POPDC3: variants seen among roughly 807,000 people sequenced by gnomAD.
The protein encoded by POPDC3 is popeye domain cAMP effector 3.
Under a neutral mutation model 28.2 loss-of-function variants are expected in POPDC3, and 20 were observed. That is an observed-to-expected ratio of 0.71 (90% CI 0.50 to 1.03). The LOEUF (loss-of-function observed/expected upper bound fraction) is 1.03, where lower values mean the gene tolerates loss of function less well. POPDC3 is among the 50% of genes least tolerant of loss of function. The probability of loss-of-function intolerance (pLI) is 0.00; values close to 1 mark genes in which losing one functional copy is unlikely to be tolerated. For synonymous variants in POPDC3, 118 were observed against 124.1 expected, an observed-to-expected ratio of 0.95 and a Z score of 0.33; for missense variants, 316 against 345.9, an observed-to-expected ratio of 0.91 and a Z score of 0.69.
chr6:105,161,584 T>A lies in POPDC3; in HGVS notation c.326A>T (p.Gln109Leu). The part of the protein sequence containing the change: ...VRSITFAREF[Q>L]VLYSSLFQPL... ...CTGGAAAAGGGAGCTGTACAACACT[T>A]GGAATTCTCGGGCAAAGGTTATGCT... is the stretch of plus-strand genomic sequence containing the variant. Residue 109 changes from glutamine to leucine, a missense_variant, in exon 2 of 4, where the codon CAA (glutamine) becomes CTA (leucine). Gln to Leu is a moderately radical substitution (Grantham distance 113, BLOSUM62 -2). Coordinates refer to ENST00000254765, the MANE Select transcript of POPDC3 (RefSeq NM_022361.5). The A allele has an allele frequency of 6.2e-7, 1 of 1,614,092 alleles. No individual in the cohort carries two copies. Among genetic ancestry groups the A allele is most frequent in the Non-Finnish European group, 8.5e-7 (1 of 1,180,028 alleles).
intron 2 of POPDC3, among the ~76,000 whole-genome samples, chr6:105,160,439 C>T (rs1774297305): frequency 1.6e-5 from 1 of 61,630 alleles, no homozygotes. Context: ...GTCTCGAACT[C>T]CTGACCTCAA....
At chr6:105,161,160 T>C (rs1274097068) in intron 2 of POPDC3, among the ~76,000 whole-genome samples, 2 of 152,198 alleles carry the variant, frequency 1.3e-5, no homozygotes, top group Non-Finnish European at 2.9e-5. Flanking sequence ...GAAACAAATA[T>C]CATATCACAT....
intron 1 of POPDC3, 45 bp from the exon 2 acceptor site, chr6:105,162,205 G>A: frequency 1.8e-6 from 2 of 1,082,468 alleles, no homozygotes; most frequent in Non-Finnish European, 2.3e-6. Context: ...AAACAAAAAG[G>A]AGAATTGTGG....
At position 105,161,637 on chromosome 6, in the gene POPDC3, T is replaced by C. The variant is rs778419341; in HGVS notation, c.273A>G (p.Gln91=). Residue 91 remains glutamine, a synonymous_variant, in exon 2 of 4, where the codon CAA becomes CAG. Coordinates refer to ENST00000254765, the MANE Select transcript of POPDC3 (RefSeq NM_022361.5). ...GAACTTGATATGCAATATGAACAAA[T>C]TGCATGAAGCAGATGACAAACAGTA... ...NFVLFVICFM[Q]FVHIAYQVRS... 6.2e-6 allele frequency: 10 copies of C among 1,613,942 alleles called. No homozygotes were observed. In the East Asian group the frequency reaches 1.3e-4, roughly 22 times the overall value.
rs1172298206 is a variant in POPDC3, at chr6:105,179,889, C to T, written c.-308G>A. Reference sequence around the variant, plus strand: ...CCCGGCGCCCGCAGAAGTTTCCCGGCGGAGCGCGCTTGACCCGGGTGGCCC... The same window carrying T: ...CCCGGCGCCCGCAGAAGTTTCCCGGTGGAGCGCGCTTGACCCGGGTGGCCC... On this transcript the variant is annotated 5_prime_UTR_variant, in exon 1 of 4. Transcript: ENST00000254765. 4 of 151,876 alleles carry T rather than the reference C, an allele frequency of 2.6e-5. No individual in the cohort carries two copies. Among genetic ancestry groups the T allele is most frequent in the African/African-American group, 9.7e-5 (4 of 41,396 alleles). 9.4% of individuals were successfully genotyped at this position (151,876 alleles called of 1,614,324 possible).
chr6:105,171,294 A>G lies in POPDC3; in HGVS notation c.-252+8539T>C, dbSNP rs138367547. 4.8e-3 allele frequency among the ~76,000 whole-genome samples: 735 copies of G among 152,342 alleles called. 2 individuals carry two copies. The highest frequency in any genetic ancestry group is 7.4e-3 in the Non-Finnish European group (502 of 68,032). ...ACGTCAATTTTTTGGAATAATGCTT[A>G]CTTTCAAAACATGCATTATAACATA... is the stretch of plus-strand genomic sequence containing the variant. On this transcript the variant is annotated intron_variant, in intron 1 of 3. Coordinates refer to ENST00000254765, the MANE Select transcript of POPDC3 (RefSeq NM_022361.5).
At position 105,158,608 on chromosome 6, in the gene POPDC3, C is replaced by G; in HGVS notation, c.738G>C (p.Leu246Phe). ...TTTTTCCTATATATACCCTGTCATT[C>G]AAGGCATAGAGTTTATCTGCAATGT... is the stretch of plus-strand genomic sequence containing the variant. ...GSDIADKLYA[L>F]NDRVYIGKRY... Residue 246 changes from leucine (L) to phenylalanine (F), a missense_variant, in exon 4 of 4, where the codon TTG (leucine) becomes TTC (phenylalanine). Physicochemically the swap from Leu to Phe is conservative, Grantham distance 22 (BLOSUM62 0). Transcript: ENST00000254765. 1.2e-6 allele frequency: 2 copies of G among 1,614,072 alleles called. No homozygotes were observed. Among genetic ancestry groups the G allele is most frequent in the Non-Finnish European group, 1.7e-6 (2 of 1,180,004 alleles).
At position 105,161,706 on chromosome 6, in the gene POPDC3, A is replaced by C; in HGVS notation, c.204T>G (p.Ala68=). ...GLGFLCSAVW[A]WVDVCAADIF... The stretch of plus-strand genomic sequence containing the variant: ...TGTCAGCTGCACAGACATCTACCCA[A>C]GCCCAGACAGCAGAACAGAGAAAAC... Residue 68 remains alanine (A), a synonymous_variant, in exon 2 of 4, where the codon GCT becomes GCG. Transcript: ENST00000254765. The C allele has an allele frequency of 6.2e-7, 1 of 1,614,200 alleles. No homozygotes were observed. The highest frequency in any genetic ancestry group is 2.2e-5 in the East Asian group (1 of 44,878).
chr6:105,158,331 A>G lies in POPDC3; in HGVS notation c.*139T>C. 1 of 678,784 alleles carries G rather than the reference A, an allele frequency of 1.5e-6. No homozygotes were observed. Among genetic ancestry groups the G allele is most frequent in the Non-Finnish European group, 2.4e-6 (1 of 421,482 alleles). 42.0% of individuals were successfully genotyped at this position (678,784 alleles called of 1,614,324 possible). On this transcript the variant is annotated 3_prime_UTR_variant, in exon 4 of 4. Transcript: ENST00000254765. ...CACAATGCAGTTGTTGAAAGGAATA[A>G]AACAGTTGGCAATGGCATCTCGCTT...
At chr6:105,161,377 A>C in intron 2 of POPDC3, 48 bp downstream of exon 2, 1 of 1,563,748 alleles carries the variant, frequency 6.4e-7, no homozygotes, top group East Asian at 2.2e-5. Flanking sequence ...AAAGAAACAC[A>C]AACAACTAAT....
chr6:105,171,692 T>A (rs936899051), intron 1 of POPDC3, among the ~76,000 whole-genome samples: 1 of 151,138 alleles, frequency 6.6e-6, no homozygotes, highest in South Asian at 2.1e-4. Context: ...ATAATAATTA[T>A]TATTATTAAT....
At chr6:105,166,822 C>T (rs1239663088) in intron 1 of POPDC3, 1 of 327,486 alleles carries the variant, frequency 3.1e-6, no homozygotes, top group Middle Eastern at 4.0e-4. Context: ...TTAATTTTTT[C>T]AGTTGGGTTA....
At chr6:105,178,809 C>T (rs991005719) in intron 1 of POPDC3, 73 of 984,700 alleles carry the variant, frequency 7.4e-5, no homozygotes, top group East Asian at 1.1e-4. Flanking sequence ...TGCAACAGTC[C>T]GTAGAATTAA....
chr6:105,174,834 A>C (rs1562157827), intron 1 of POPDC3, among the ~76,000 whole-genome samples: 1 of 152,230 alleles, frequency 6.6e-6, no homozygotes, highest in Non-Finnish European at 1.5e-5. Context: ...AGAACCAGTG[A>C]TTCATCGTGA....
intron 1 of POPDC3, among the ~76,000 whole-genome samples, chr6:105,165,688 C>A (rs1007819244): frequency 6.6e-6 from 1 of 152,182 alleles, no homozygotes; most frequent in Non-Finnish European, 1.5e-5. Flanking sequence ...TAAGGGAATC[C>A]TTTTGTCTGT....
intron 1 of POPDC3, chr6:105,169,622 C>A (rs1774533449): frequency 6.6e-6 from 1 of 152,144 alleles, no homozygotes; most frequent in Non-Finnish European, 1.5e-5. Context: ...AAAGAATTAA[C>A]TCTATTTCTT....
At position 105,171,671 on chromosome 6, in the gene POPDC3, AAAT is replaced by A. The variant is rs752168743; in HGVS notation, c.-252+8159_-252+8161del. ...GAGCGACAGAGAAAGACTCTGTCTC[AAAT>A]AATAATAATAATAATTATTATTATT... is the stretch of plus-strand genomic sequence containing the variant. On this transcript the variant is annotated intron_variant, in intron 1 of 3. Coordinates refer to ENST00000254765, the MANE Select transcript of POPDC3 (RefSeq NM_022361.5). 1.6e-3 allele frequency among the ~76,000 whole-genome samples: 245 copies of A among 150,714 alleles called. 1 individual carries two copies. In the Middle Eastern group the frequency reaches 0.024, roughly 15 times the overall value.
At chr6:105,164,316 T>C (rs1324323263) in intron 1 of POPDC3, among the ~76,000 whole-genome samples, 2 of 152,174 alleles carry the variant, frequency 1.3e-5, no homozygotes, top group African/African-American at 2.4e-5. Context: ...TTAAAAATCT[T>C]GATTTGTAGG....
rs1271414947 is a variant in POPDC3, at chr6:105,159,777, G to T, written c.528C>A (p.Phe176Leu). The change falls in exon 3 of 4, where the codon TTC becomes TTA. Residue 176 changes from phenylalanine to leucine, a missense_variant. Physicochemically the swap from Phe to Leu is conservative, Grantham distance 22. Transcript: ENST00000254765. ...TVDGEFLHYI[F>L]PLQFLDSPEW... Reference sequence around the variant, plus strand: ...CAGGAGAATCCAGGAACTGAAGGGGGAAAATGTAATGCAGAAATTCGCCAT... The same window carrying T: ...CAGGAGAATCCAGGAACTGAAGGGGTAAAATGTAATGCAGAAATTCGCCAT... The T allele has an allele frequency of 6.2e-7, 1 of 1,607,170 alleles. No individual in the cohort carries two copies. Among genetic ancestry groups the T allele is most frequent in the African/African-American group, 1.3e-5 (1 of 74,482 alleles).
Sources: gnomAD v4.1 joint callset for allele counts (sites outside exome capture counted in the v4.1 genomes callset) on GRCh38, gnomAD v4.1.1 for gene constraint, MANE v1.5 for transcripts, NCBI Gene and HGNC (gene_info 2026-07-23, HGNC 2026-07-21) for gene names.